SLC6A11: variants seen among roughly 807,000 people sequenced by gnomAD.
SLC6A11 encodes sodium- and chloride-dependent GABA transporter 3.
A neutral mutation model predicts 74.8 loss-of-function variants in SLC6A11; 25 were observed. The ratio of observed to expected loss-of-function variants is 0.33; its 90% CI spans 0.24 to 0.47. The LOEUF (loss-of-function observed/expected upper bound fraction) is 0.47, where lower values mean the gene tolerates loss of function less well. Among genes scored for constraint, SLC6A11 ranks in the 20% least tolerant of loss-of-function variants. The pLI is 1.00. For missense variants in SLC6A11, 574 were observed against 837.0 expected (o/e 0.69, Z 3.88); for synonymous variants, 330 against 330.2 (o/e 1.00, Z 0.01).
intron 13 of SLC6A11, among the ~76,000 whole-genome samples, chr3:10,936,467 G>C (rs1695760849): frequency 6.6e-6 from 1 of 152,190 alleles, no homozygotes; most frequent in Non-Finnish European, 1.5e-5. Context: ...GATGGGGAGT[G>C]GGGGTATGCA....
chr3:10,897,858 G>A (rs1005616921), intron 6 of SLC6A11, among the ~76,000 whole-genome samples: 3 of 152,212 alleles, frequency 2.0e-5, no homozygotes, highest in Non-Finnish European at 2.9e-5. Flanking sequence ...CCTTAGCAGA[G>A]GTTCTCCATA....
At chr3:10,916,056 A>G (rs1458319431) in intron 7 of SLC6A11, among the ~76,000 whole-genome samples, 1 of 152,202 alleles carries the variant, frequency 6.6e-6, no homozygotes, top group Non-Finnish European at 1.5e-5. Flanking sequence ...GAATTCCAGA[A>G]TGGAGAGGCT....
intron 6 of SLC6A11, among the ~76,000 whole-genome samples, chr3:10,887,182 G>A (rs1032001507): frequency 6.6e-6 from 1 of 151,920 alleles, no homozygotes; most frequent in African/African-American, 2.4e-5. Flanking sequence ...ATGATAGGTG[G>A]ACAGATGGAT....
chr3:10,836,276 T>C (rs924844520), intron 4 of SLC6A11, among the ~76,000 whole-genome samples: 1 of 152,222 alleles, frequency 6.6e-6, no homozygotes, highest in African/African-American at 2.4e-5. Context: ...TTGATGGACA[T>C]TTGGGTTGTT....
chr3:10,907,976 C>T (rs1308030871), intron 6 of SLC6A11, among the ~76,000 whole-genome samples: 2 of 152,122 alleles, frequency 1.3e-5, no homozygotes, highest in African/African-American at 4.8e-5. Flanking sequence ...TAAGTAATGA[C>T]TATAAGGAGC....
chr3:10,907,304 A>G (rs1279428399), intron 6 of SLC6A11, among the ~76,000 whole-genome samples: 2 of 152,168 alleles, frequency 1.3e-5, no homozygotes, highest in East Asian at 3.9e-4. Context: ...GATATGACAA[A>G]GCAAACAGAA....
intron 4 of SLC6A11, 153 bp downstream of exon 4, chr3:10,823,545 G>T: frequency 1.6e-6 from 1 of 621,888 alleles, no homozygotes. Context: ...TCGGAAGCAA[G>T]AGTGCAGATC....
Position 10,894,018 on chromosome 3 carries a change from C to T in SLC6A11, c.892-18072C>T, listed in dbSNP as rs368046495. On this transcript the variant is annotated intron_variant, in intron 6 of 13. Transcript: ENST00000254488. ...AGCCCCTCCCTCACAGTGGCTTTGCCCCGAAGCCAAGGCCACTGTGTCCCA... is the reference window on the plus strand; with the variant it reads ...AGCCCCTCCCTCACAGTGGCTTTGCTCCGAAGCCAAGGCCACTGTGTCCCA... Among the ~76,000 whole-genome samples, 10 of 152,154 alleles carry T rather than the reference C, an allele frequency of 6.6e-5. No homozygotes were observed. In the East Asian group the frequency reaches 1.2e-3, roughly 18 times the overall value.
Position 10,938,581 on chromosome 3 carries a change from C to T in SLC6A11, c.*179C>T. The T allele has an allele frequency of 1.9e-6, 1 of 523,196 alleles. No homozygotes were observed. The allele number at this position is 523,196 out of a possible 1,614,324, so 32.4% of individuals were successfully genotyped here. A position where few individuals can be genotyped will look rare whatever the true frequency, so the allele number is the denominator to read the frequency against. ...TCTAAAGTCATATCCCCTCCCCGCC[C>T]CCAGTCATCATGGAAGTAACCACTA... On this transcript the variant is annotated 3_prime_UTR_variant, in exon 14 of 14. Transcript: ENST00000254488.
At chr3:10,852,234 C>T (rs1017938490) in intron 5 of SLC6A11, among the ~76,000 whole-genome samples, 2 of 152,218 alleles carry the variant, frequency 1.3e-5, no homozygotes, top group African/African-American at 4.8e-5. Flanking sequence ...GAAACTAGAA[C>T]GTTCATGAGA....
intron 10 of SLC6A11, among the ~76,000 whole-genome samples, chr3:10,932,433 T>A (rs1406772648): frequency 1.3e-5 from 2 of 152,238 alleles, no homozygotes; most frequent in East Asian, 3.9e-4. Flanking sequence ...CCACCTACTG[T>A]GCACCAGCCC....
chr3:10,873,093 C>T (rs543825821), intron 5 of SLC6A11, among the ~76,000 whole-genome samples: 16 of 152,246 alleles, frequency 1.1e-4, no homozygotes, highest in South Asian at 4.1e-4. Flanking sequence ...GGGGTGTGGC[C>T]GGTGCCACAA....
intron 6 of SLC6A11, among the ~76,000 whole-genome samples, chr3:10,893,459 C>G (rs775564935): frequency 2.0e-5 from 3 of 152,048 alleles, no homozygotes; most frequent in Non-Finnish European, 4.4e-5. Context: ...TTTGAGGGGA[C>G]GTCAAGGAGG....
At position 10,938,487 on chromosome 3, in the gene SLC6A11, G is replaced by C; in HGVS notation, c.*85G>C. On this transcript the variant is annotated 3_prime_UTR_variant, in exon 14 of 14. Transcript: ENST00000254488. ...TCCTGAACCCCATACTTCACCTAAT[G>C]GTAGGGGCTTGCTTGTTTTGCACAG... The C allele has an allele frequency of 7.2e-7, 1 of 1,392,694 alleles. No homozygotes were observed. The highest frequency in any genetic ancestry group is 2.3e-5 in the East Asian group (1 of 42,984). 86.3% of individuals were successfully genotyped at this position (1,392,694 alleles called of 1,614,324 possible).
At chr3:10,924,066 G>A (rs1433772080) in intron 8 of SLC6A11, among the ~76,000 whole-genome samples, 1 of 152,102 alleles carries the variant, frequency 6.6e-6, no homozygotes, top group African/African-American at 2.4e-5. Context: ...GCCACAGACT[G>A]GAGAAGACTA....
At chr3:10,874,188 A>G (rs1273703882) in intron 5 of SLC6A11, among the ~76,000 whole-genome samples, 1 of 152,242 alleles carries the variant, frequency 6.6e-6, no homozygotes, top group Non-Finnish European at 1.5e-5. Flanking sequence ...AGCTTATTTA[A>G]AAAAAGAATA....
At position 10,938,691 on chromosome 3, in the gene SLC6A11, T is replaced by A. The variant is rs947019938; in HGVS notation, c.*289T>A. ...ATGTTTTCTAGGGATTAGGAAGAAGTGTATAATATTGTAAAACTTTTTTTA... is the reference window on the plus strand; with the variant it reads ...ATGTTTTCTAGGGATTAGGAAGAAGAGTATAATATTGTAAAACTTTTTTTA... On this transcript the variant is annotated 3_prime_UTR_variant, in exon 14 of 14. Transcript: ENST00000254488. 42 of 249,172 alleles carry A rather than the reference T, an allele frequency of 1.7e-4. No individual in the cohort carries two copies. The East Asian group carries it at 3.1e-3, about 19-fold the overall frequency. The allele number at this position is 249,172 out of a possible 1,614,324, so 15.4% of individuals were successfully genotyped here.
At chr3:10,839,110 C>T (rs529007489) in intron 4 of SLC6A11, among the ~76,000 whole-genome samples, 34 of 152,268 alleles carry the variant, frequency 2.2e-4, no homozygotes, top group Middle Eastern at 3.4e-3. Flanking sequence ...ACTTCTTTTC[C>T]TCCTCTCTTA....
At chr3:10,854,651 C>G (rs1172707099) in intron 5 of SLC6A11, among the ~76,000 whole-genome samples, 1 of 152,148 alleles carries the variant, frequency 6.6e-6, no homozygotes, top group African/African-American at 2.4e-5. Flanking sequence ...ACTAAGGAAG[C>G]CATTCGAGGT....
Sources: allele counts gnomAD v4.1 joint callset (sites outside exome capture counted in the v4.1 genomes callset), GRCh38; gene constraint gnomAD v4.1.1; transcripts MANE v1.5; gene names NCBI Gene and HGNC (gene_info 2026-07-23, HGNC 2026-07-21).